The following HERC6 variants were observed in gnomAD, a reference collection of about 807,000 sequenced individuals.
The protein encoded by HERC6 is probable E3 ubiquitin-protein ligase HERC6.
HERC6 carries 101 observed loss-of-function variants against 114.5 expected under a neutral mutation model. The ratio of observed to expected loss-of-function variants is 0.88; its 90% CI spans 0.75 to 1.04. The LOEUF is 1.04. HERC6 is among the 50% of genes least tolerant of loss of function. The probability of loss-of-function intolerance (pLI) is 0.00; values close to 1 mark genes in which losing one functional copy is unlikely to be tolerated. For missense variants in HERC6, 1,133 were observed against 1,230.9 expected, an observed-to-expected ratio of 0.92 and a Z score of 1.19; for synonymous variants, 408 against 436.2, an observed-to-expected ratio of 0.94 and a Z score of 0.81.
Position 88,435,884 on chromosome 4 carries a change from T to C in HERC6, c.2410T>C (p.Leu804=), listed in dbSNP as rs1738682484. The change falls in exon 18 of 23, where the codon TTG becomes CTG. Residue 804 remains leucine, a synonymous_variant. Transcript: ENST00000264346. ...LEDLKELSPR[L]GKSLQEVLDD... is the part of the protein sequence containing the mutation. ...AGATTTAAAAGAACTCAGTCCTCGG[T>C]TGGGGAAGTAAGTAAATATAACGTT... 5 of 1,600,684 alleles carry C rather than the reference T, an allele frequency of 3.1e-6. No individual in the cohort carries two copies. The highest frequency in any genetic ancestry group is 1.7e-4 in the Middle Eastern group (1 of 5,996).
chr4:88,437,122 T>C (rs964385676), intron 19 of HERC6, among the ~76,000 whole-genome samples, 151 bp downstream of exon 19: 1 of 152,020 alleles, frequency 6.6e-6, no homozygotes, highest in Non-Finnish European at 1.5e-5. Context: ...AATGGCGCGA[T>C]CTCGGTTCAC....
At position 88,391,331 on chromosome 4, in the gene HERC6, A is replaced by C. The variant is rs995850358; in HGVS notation, c.664+452A>C. The stretch of plus-strand genomic sequence containing the variant: ...AGACTCTTCTGCCTCCCTCTTCCTC[A>C]GTTAAAAGACCCTTGATTACAGTGT... On this transcript the variant is annotated intron_variant, in intron 4 of 22. Coordinates refer to ENST00000264346, the MANE Select transcript of HERC6 (RefSeq NM_017912.4). 3.9e-5 allele frequency among the ~76,000 whole-genome samples: 6 copies of C among 152,216 alleles called. 1 individual carries two copies. The highest frequency in any genetic ancestry group is 6.3e-3 in the Middle Eastern group (2 of 316).
intron 3 of HERC6, among the ~76,000 whole-genome samples, chr4:88,385,885 G>T (rs891805629): frequency 6.6e-6 from 1 of 152,090 alleles, no homozygotes; most frequent in African/African-American, 2.4e-5. Flanking sequence ...GTCCACACTG[G>T]CAGACTTATT....
At chr4:88,425,962 C>G (rs1737561197) in intron 15 of HERC6, among the ~76,000 whole-genome samples, 1 of 152,114 alleles carries the variant, frequency 6.6e-6, no homozygotes, top group Non-Finnish European at 1.5e-5. Flanking sequence ...CATAAGAAGT[C>G]TGAGATAGAA....
chr4:88,394,575 C>T (rs1414611394), intron 5 of HERC6, among the ~76,000 whole-genome samples: 1 of 149,506 alleles, frequency 6.7e-6, no homozygotes, highest in Admixed American at 6.7e-5. Context: ...GACAGAATCT[C>T]GCTCAGTCGC....
At chr4:88,388,929 A>G (rs1734747215) in intron 3 of HERC6, among the ~76,000 whole-genome samples, 1 of 152,214 alleles carries the variant, frequency 6.6e-6, no homozygotes, top group Non-Finnish European at 1.5e-5. Context: ...CTGAATAGCC[A>G]TCTTGAAATA....
intron 1 of HERC6, among the ~76,000 whole-genome samples, chr4:88,382,880 T>C (rs1351146304): frequency 1.3e-5 from 2 of 152,188 alleles, no homozygotes; most frequent in Non-Finnish European, 2.9e-5. Flanking sequence ...GGTTTCTGAT[T>C]GGTTAACCTT....
chr4:88,383,448 G>C, intron 2 of HERC6, 68 bp downstream of exon 2: 1 of 1,249,798 alleles, frequency 8.0e-7, no homozygotes, highest in Non-Finnish European at 1.1e-6. Context: ...CACTGTGCAA[G>C]ATGCCAGGAT....
chr4:88,435,855 T>G lies in HERC6; in HGVS notation c.2381T>G (p.Leu794Trp). 6.2e-7 allele frequency: 1 copy of G among 1,610,490 alleles called. No homozygotes were observed. The highest frequency in any genetic ancestry group is 2.2e-5 in the East Asian group (1 of 44,758). Residue 794 changes from leucine (L) to tryptophan (W), a missense_variant, in exon 18 of 23, where the codon TTG (leucine) becomes TGG (tryptophan). Leu to Trp is a moderately conservative substitution (Grantham distance 61). Around this residue, in one of 3 missense-constraint regions of HERC6, gnomAD observed 388 missense variants for 445.9 expected, o/e 0.87. Coordinates refer to ENST00000264346, the MANE Select transcript of HERC6 (RefSeq NM_017912.4). ...AAACTTCTGGACCAAAAGCCATCAT[T>G]GGAAGATTTAAAAGAACTCAGTCCT... ...YKKLLDQKPS[L>W]EDLKELSPRL...
At chr4:88,417,762 T>C (rs532307362) in intron 13 of HERC6, among the ~76,000 whole-genome samples, 183 bp downstream of exon 13, 8 of 152,248 alleles carry the variant, frequency 5.3e-5, no homozygotes, top group African/African-American at 1.9e-4. Context: ...TGAGAAACTT[T>C]AGGAGGACTT....
intron 4 of HERC6, among the ~76,000 whole-genome samples, chr4:88,392,558 A>G (rs1734977354): frequency 6.6e-6 from 1 of 152,212 alleles, no homozygotes; most frequent in African/African-American, 2.4e-5. Context: ...GAAATATGTG[A>G]AAATTGTCAG....
chr4:88,401,490 C>CAAAAA (rs934279048), intron 8 of HERC6, among the ~76,000 whole-genome samples: 4 of 56,672 alleles, frequency 7.1e-5, no homozygotes, highest in Admixed American at 2.1e-4. Context: ...GACTCCATCT[C>CAAAAA]AAAAAAAAAA....
chr4:88,429,111 T>C (rs958187199), intron 16 of HERC6, among the ~76,000 whole-genome samples: 2 of 152,208 alleles, frequency 1.3e-5, no homozygotes, highest in African/African-American at 4.8e-5. Flanking sequence ...TTTGTGTACA[T>C]GTCTGGGAGT....
intron 1 of HERC6, among the ~76,000 whole-genome samples, chr4:88,381,925 T>C (rs1324551973): frequency 2.0e-5 from 3 of 152,090 alleles, no homozygotes; most frequent in African/African-American, 4.8e-5. Context: ...TTTAGGTAGA[T>C]AAGAAGAGAG....
At chr4:88,409,436 G>C (rs1425713596) in intron 11 of HERC6, among the ~76,000 whole-genome samples, 1 of 152,196 alleles carries the variant, frequency 6.6e-6, no homozygotes, top group Non-Finnish European at 1.5e-5. Flanking sequence ...GAGGGGGCTA[G>C]TGTTCATTAT....
chr4:88,387,283 A>G (rs1734632308), intron 3 of HERC6, among the ~76,000 whole-genome samples: 1 of 152,164 alleles, frequency 6.6e-6, no homozygotes, highest in Admixed American at 6.5e-5. Flanking sequence ...TGTAGTTCCA[A>G]CTAATCAGGG....
chr4:88,390,689 G>A lies in HERC6; in HGVS notation c.474G>A (p.Gly158=). The change falls in exon 4 of 23, where the codon GGG becomes GGA. Residue 158 remains glycine, a synonymous_variant. Transcript: ENST00000264346. ...TTTCGTGGGGAAAGAACAGCCATGG[G>A]CAGCTGGGCTTGGGGAAGGAGTTCC... ...QVFSWGKNSH[G]QLGLGKEFPS... The A allele has an allele frequency of 2.5e-6, 4 of 1,612,864 alleles. No individual in the cohort carries two copies. Among genetic ancestry groups the A allele is most frequent in the Non-Finnish European group, 1.7e-6 (2 of 1,179,060 alleles).
intron 18 of HERC6, among the ~76,000 whole-genome samples, chr4:88,436,396 TACTG>T (rs1315383757): frequency 2.6e-5 from 4 of 152,258 alleles, no homozygotes; most frequent in Non-Finnish European, 5.9e-5. Flanking sequence ...TCTTCTCGTG[TACTG>T]TTAGTGTGAG....
In HERC6 at chr4:88,431,117, A is replaced by G. The variant is rs199799237; in HGVS notation, c.2107-45A>G. On this transcript the variant is annotated intron_variant, in intron 16 of 22. Coordinates refer to ENST00000264346, the MANE Select transcript of HERC6 (RefSeq NM_017912.4). ...TTAAAACTTCCATAAAGCTCAAAAC[A>G]TTGTATTTTAAGTCAGGATCTGGGA... The G allele has an allele frequency of 1.1e-4, 171 of 1,554,198 alleles. No homozygotes were observed. The African/African-American group carries it at 2.2e-3, about 20-fold the overall frequency.
Sources: gnomAD v4.1 joint callset for allele counts (sites outside exome capture counted in the v4.1 genomes callset) on GRCh38, gnomAD v4.1.1 for gene constraint, gnomAD v4.1.1 regional missense constraint, MANE v1.5 for transcripts, NCBI Gene and HGNC (gene_info 2026-07-23, HGNC 2026-07-21) for gene names.